The following C3orf52 variants were observed in gnomAD, a reference collection of about 807,000 sequenced individuals.
C3orf52 encodes chromosome 3 open reading frame 52.
In C3orf52, 22 loss-of-function variants were observed where a neutral mutation model predicts 24.8. The ratio of observed to expected loss-of-function variants is 0.89; its 90% CI spans 0.63 to 1.27. The LOEUF (loss-of-function observed/expected upper bound fraction) is 1.27, where lower values mean the gene tolerates loss of function less well. Ranked by LOEUF, C3orf52 falls within the 50% of genes most tolerant of loss-of-function variation. C3orf52 has a pLI of 0.00. For missense variants in C3orf52, 265 were observed against 260.7 expected (o/e 1.02, Z -0.11); for synonymous variants, 93 against 100.2 (o/e 0.93, Z 0.43).
intron 4 of C3orf52, 86 bp from the exon 5 acceptor site, chr3:112,112,878 A>C (rs1238467741): frequency 1.0e-6 from 1 of 979,188 alleles, no homozygotes. Context: ...TGCAAAACTA[A>C]AAAAAAAAAA....
chr3:112,130,452 TTC>T, downstream of C3orf52: 1 of 1,613,964 alleles, frequency 6.2e-7, no homozygotes, highest in Non-Finnish European at 8.5e-7. Context: ...CACCTGGATG[TTC>T]TCTGTTTGGG....
downstream of C3orf52, among the ~76,000 whole-genome samples, chr3:112,131,314 G>A (rs1326980751): frequency 1.3e-5 from 2 of 152,146 alleles, no homozygotes; most frequent in East Asian, 3.9e-4. Flanking sequence ...ATGAAGGGAT[G>A]AGTGCCATTC....
downstream of C3orf52, chr3:112,128,864 T>C (rs2074389006): frequency 6.6e-6 from 1 of 152,412 alleles, no homozygotes; most frequent in South Asian, 2.1e-4. Flanking sequence ...CATGGTTGAA[T>C]GTGAAAGCCC....
chr3:112,092,055 G>A (rs922691000), intron 1 of C3orf52, among the ~76,000 whole-genome samples: 1 of 151,542 alleles, frequency 6.6e-6, no homozygotes, highest in Non-Finnish European at 1.5e-5. Context: ...AGGCCAGGTG[G>A]CCAGGTGTCG....
chr3:112,120,972 G>A (rs1225426982), downstream of C3orf52: 1 of 152,038 alleles, frequency 6.6e-6, no homozygotes, highest in African/African-American at 2.4e-5. Context: ...TCATAATTGT[G>A]TATATCATAT....
At chr3:112,121,375 A>C (rs890505893), downstream of C3orf52, 1 of 152,202 alleles carries the variant, frequency 6.6e-6, no homozygotes, top group Non-Finnish European at 1.5e-5. Context: ...ACATCATAAA[A>C]GATTTTTGTT....
At chr3:112,120,200 G>T (rs921932320), downstream of C3orf52, among the ~76,000 whole-genome samples, 2 of 152,232 alleles carry the variant, frequency 1.3e-5, no homozygotes, top group Non-Finnish European at 1.5e-5. Context: ...GGTACACTCA[G>T]ATCAAGTGGG....
At chr3:112,111,362 A>G (rs1416976677) in intron 4 of C3orf52, 2 of 152,294 alleles carry the variant, frequency 1.3e-5, no homozygotes, top group Non-Finnish European at 2.9e-5. Flanking sequence ...GAGGCGGCTA[A>G]ATCCCTGGCA....
At position 112,116,988 on chromosome 3, in the gene C3orf52, C is replaced by T; in HGVS notation, c.*342C>T. 1 of 1,459,828 alleles carries T rather than the reference C, an allele frequency of 6.9e-7. No homozygotes were observed. Among genetic ancestry groups the T allele is most frequent in the Non-Finnish European group, 9.2e-7 (1 of 1,084,164 alleles). 90.4% of individuals were successfully genotyped at this position (1,459,828 alleles called of 1,614,324 possible). A position where few individuals can be genotyped will look rare whatever the true frequency, so the allele number is the denominator to read the frequency against. On this transcript the variant is annotated 3_prime_UTR_variant, in exon 6 of 6. Coordinates refer to ENST00000264848, the MANE Select transcript of C3orf52 (RefSeq NM_024616.3). ...TTGTTTTTTGAGACAGGGTCTCGTT[C>T]TGTCGCTTAGCTGGAGTGCGGTGGC...
chr3:112,133,317 C>A (rs1559989885), downstream of C3orf52: 2 of 596,948 alleles, frequency 3.4e-6, no homozygotes, highest in Non-Finnish European at 5.9e-6. Flanking sequence ...CACGCATGTG[C>A]AGAATGTCCT....
At chr3:112,126,361 A>G (rs547465229) in intron 4 of C3orf52, among the ~76,000 whole-genome samples, 1 of 152,170 alleles carries the variant, frequency 6.6e-6, no homozygotes, top group Non-Finnish European at 1.5e-5. Flanking sequence ...CCTCAGGCCT[A>G]CACTTTCTTA....
chr3:112,128,148 GA>G (rs761020165), intron 4 of C3orf52: 67 of 1,288,254 alleles, frequency 5.2e-5, no homozygotes, highest in Non-Finnish European at 7.2e-5. Flanking sequence ...CATTTCTGTG[GA>G]AAACTTTTTT....
chr3:112,132,984 T>A, downstream of C3orf52: 2 of 1,129,222 alleles, frequency 1.8e-6, no homozygotes, highest in Non-Finnish European at 2.6e-6. Flanking sequence ...CCCAACTACT[T>A]TCTACCCCAA....
intron 2 of C3orf52, among the ~76,000 whole-genome samples, chr3:112,098,816 G>A (rs1173213468): frequency 6.6e-6 from 1 of 152,066 alleles, no homozygotes; most frequent in South Asian, 2.1e-4. Flanking sequence ...AGCTTTCTGG[G>A]CCTCTTTTAT....
chr3:112,117,570 G>A lies in C3orf52; in HGVS notation c.*924G>A, dbSNP rs2074147932. The stretch of plus-strand genomic sequence containing the variant: ...GTTTAATATCTGCTCTGGATATTAC[G>A]CATTGGCTTTTTGTTGCCTAGTGCT... On this transcript the variant is annotated 3_prime_UTR_variant, in exon 6 of 6. Coordinates refer to ENST00000264848, the MANE Select transcript of C3orf52 (RefSeq NM_024616.3). 2.0e-5 allele frequency: 3 copies of A among 152,254 alleles called. No homozygotes were observed. Among genetic ancestry groups the A allele is most frequent in the Non-Finnish European group, 2.9e-5 (2 of 68,040 alleles). The allele number at this position is 152,254 out of a possible 1,614,324, so 9.4% of individuals were successfully genotyped here.
At chr3:112,094,239 C>T (rs936900318) in intron 2 of C3orf52, among the ~76,000 whole-genome samples, 1 of 152,220 alleles carries the variant, frequency 6.6e-6, no homozygotes, top group Non-Finnish European at 1.5e-5. Flanking sequence ...AAGTGATCTG[C>T]CTGCCTTGGC....
Position 112,102,887 on chromosome 3 carries a change from C to G in C3orf52, c.318C>G (p.Asn106Lys). 4 of 1,599,374 alleles carry G rather than the reference C, an allele frequency of 2.5e-6. No individual in the cohort carries two copies. Among genetic ancestry groups the G allele is most frequent in the Non-Finnish European group, 3.4e-6 (4 of 1,172,230 alleles). The change falls in exon 3 of 6, where the codon AAC (asparagine) becomes AAG (lysine). Residue 106 changes from asparagine to lysine, a missense_variant. By Grantham distance (94) the Asn-to-Lys change is moderately conservative. Transcript: ENST00000264848. ...ATGAAATACTTGAATTATCATCAAA[C>G]AAAACATTCTTCATCATGCTGAAGA... is the stretch of plus-strand genomic sequence containing the variant. The part of the protein sequence containing the change: ...DENEILELSS[N>K]KTFFIMLKIP...
chr3:112,094,053 G>A (rs2073904113), intron 2 of C3orf52, among the ~76,000 whole-genome samples: 1 of 151,916 alleles, frequency 6.6e-6, no homozygotes, highest in African/African-American at 2.4e-5. Context: ...AGAGTGCAGT[G>A]GCACGACTTT....
At position 112,117,061 on chromosome 3, in the gene C3orf52, C is replaced by A; in HGVS notation, c.*415C>A. The A allele has an allele frequency of 1.3e-6, 1 of 798,764 alleles. No homozygotes were observed. Among genetic ancestry groups the A allele is most frequent in the Non-Finnish European group, 1.9e-6 (1 of 513,264 alleles). 49.5% of individuals were successfully genotyped at this position (798,764 alleles called of 1,614,324 possible). Reference sequence around the variant, plus strand: ...TGAAGCACTCCACCCACCTGGGCTACTTTTTCTTTAGTGCAGAGGTGCACT... The same window carrying A: ...TGAAGCACTCCACCCACCTGGGCTAATTTTTCTTTAGTGCAGAGGTGCACT... On this transcript the variant is annotated 3_prime_UTR_variant, in exon 6 of 6. Transcript: ENST00000264848.
Sources: gnomAD v4.1 joint callset for allele counts (sites outside exome capture counted in the v4.1 genomes callset) on GRCh38, gnomAD v4.1.1 for gene constraint, MANE v1.5 for transcripts, NCBI Gene and HGNC (gene_info 2026-07-23, HGNC 2026-07-21) for gene names.